The following LRRC4C variants were observed in gnomAD, a reference collection of about 807,000 sequenced individuals.
LRRC4C encodes the protein leucine rich repeat containing 4C, also known as leucine-rich repeat-containing protein 4C.
Under a neutral mutation model 33.6 loss-of-function variants are expected in LRRC4C, and 5 were observed. The observed-to-expected ratio is 0.15, with a 90% CI of 0.08 to 0.31. LRRC4C has a LOEUF of 0.31. LRRC4C is among the 10% of genes least tolerant of loss of function. The pLI, the probability that LRRC4C is intolerant of heterozygous loss-of-function variation, is 1.00. For synonymous variants in LRRC4C, 329 were observed against 302.0 expected (o/e 1.09, Z -0.93); for missense variants, 560 against 796.7 (o/e 0.70, Z 3.58).
In LRRC4C at chr11:40,265,064, G is replaced by C. The variant is rs138709134; in HGVS notation, c.-175-23466C>G. Among the ~76,000 whole-genome samples, 305 of 152,266 alleles carry C rather than the reference G, an allele frequency of 2.0e-3. 1 individual carries two copies. Among genetic ancestry groups the C allele is most frequent in the African/African-American group, 7.1e-3 (296 of 41,554 alleles). ...GTTGTTTTGAAGGCAACAGAGATTT[G>C]AATAAAGCCTTCCCTTCTCCTCACC... On this transcript the variant is annotated intron_variant, in intron 4 of 6. Transcript: ENST00000528697.
chr11:41,024,023 A>G (rs761075138), intron 1 of LRRC4C, among the ~76,000 whole-genome samples: 2 of 151,532 alleles, frequency 1.3e-5, no homozygotes, highest in Non-Finnish European at 3.0e-5. Flanking sequence ...TTTTTTTTCT[A>G]GTTGCGTTCA....
At chr11:41,227,119 C>T (rs1252272321) in intron 1 of LRRC4C, among the ~76,000 whole-genome samples, 1 of 151,968 alleles carries the variant, frequency 6.6e-6, no homozygotes, top group Non-Finnish European at 1.5e-5. Flanking sequence ...ACCTCCTTCC[C>T]CTTTTGAAAA....
chr11:40,612,040 A>C (rs755092920), intron 3 of LRRC4C, among the ~76,000 whole-genome samples: 1 of 151,834 alleles, frequency 6.6e-6, no homozygotes, highest in Admixed American at 6.6e-5. Context: ...ATTTCTGAGT[A>C]TTTCTAAAAA....
chr11:40,680,655 C>T (rs981487878), intron 2 of LRRC4C, among the ~76,000 whole-genome samples: 15 of 152,152 alleles, frequency 9.9e-5, no homozygotes, highest in African/African-American at 3.6e-4. Flanking sequence ...GTATGACTTG[C>T]TCCTCCTTGC....
chr11:40,114,822 T>G lies in LRRC4C; in HGVS notation c.1471A>C (p.Thr491Pro). 1 of 1,613,984 alleles carries G rather than the reference T, an allele frequency of 6.2e-7. No individual in the cohort carries two copies. The highest frequency in any genetic ancestry group is 8.5e-7 in the Non-Finnish European group (1 of 1,179,982). Reference sequence around the variant, plus strand: ...CTTGTGCTCTGTGGTGTGAGAGAGGTGGTCACATTGGTGGTCTCCCAGTCG... The same window carrying G: ...CTTGTGCTCTGTGGTGTGAGAGAGGGGGTCACATTGGTGGTCTCCCAGTCG... The part of the protein sequence containing the change: ...VVDWETTNVT[T>P]SLTPQSTRST... Residue 491 changes from threonine to proline, a missense_variant, in exon 7 of 7, where the codon ACC (threonine) becomes CCC (proline). Physicochemically the swap from Thr to Pro is conservative, Grantham distance 38. Around this residue, in one of 3 missense-constraint regions of LRRC4C, gnomAD observed 455 missense variants for 643.8 expected, o/e 0.71. Transcript: ENST00000528697.
chr11:40,916,794 G>T (rs1956981877), intron 2 of LRRC4C, among the ~76,000 whole-genome samples: 1 of 151,844 alleles, frequency 6.6e-6, no homozygotes, highest in Non-Finnish European at 1.5e-5. Flanking sequence ...CACTTAATTG[G>T]TCTTAGAGGG....
intron 3 of LRRC4C, among the ~76,000 whole-genome samples, chr11:40,472,148 C>A (rs926916513): frequency 6.6e-6 from 1 of 151,784 alleles, no homozygotes; most frequent in Non-Finnish European, 1.5e-5. Context: ...GTCGTGGTTG[C>A]GCATGCCTGT....
chr11:40,355,636 C>T (rs982037911), intron 3 of LRRC4C, among the ~76,000 whole-genome samples: 4 of 152,144 alleles, frequency 2.6e-5, no homozygotes, highest in Non-Finnish European at 4.4e-5. Context: ...ACACACAATG[C>T]ACTGTCCCTC....
At chr11:40,563,212 C>T (rs1422276160) in intron 3 of LRRC4C, among the ~76,000 whole-genome samples, 1 of 152,124 alleles carries the variant, frequency 6.6e-6, no homozygotes, top group Non-Finnish European at 1.5e-5. Context: ...AGGACATAGA[C>T]TGAGATGAGT....
chr11:40,436,541 G>A (rs10837409), intron 3 of LRRC4C, among the ~76,000 whole-genome samples: 57,048 of 151,976 alleles, frequency 0.38, 11,403 homozygotes, highest in East Asian at 0.53. Context: ...TGTCAAACCA[G>A]CCTCTCTCCT....
chr11:40,843,642 T>C (rs925773915), intron 2 of LRRC4C, among the ~76,000 whole-genome samples: 6 of 152,190 alleles, frequency 3.9e-5, no homozygotes, highest in Non-Finnish European at 5.9e-5. Context: ...TTGGTAAGGA[T>C]ACAAAGCAAC....
chr11:40,208,931 G>T (rs1376901809), intron 5 of LRRC4C, among the ~76,000 whole-genome samples: 1 of 143,518 alleles, frequency 7.0e-6, no homozygotes, highest in Non-Finnish European at 1.5e-5. Context: ...CTCCAAATCA[G>T]GGCTTTCTTT....
chr11:41,409,727 A>T (rs1954387917), intron 1 of LRRC4C, among the ~76,000 whole-genome samples: 1 of 152,196 alleles, frequency 6.6e-6, no homozygotes, highest in Admixed American at 6.5e-5. Flanking sequence ...GATAAAAAGC[A>T]ATTCAAGATT....
intron 1 of LRRC4C, among the ~76,000 whole-genome samples, chr11:41,218,326 T>G (rs1473556105): frequency 6.6e-6 from 1 of 152,238 alleles, no homozygotes; most frequent in African/African-American, 2.4e-5. Flanking sequence ...TATGGTTTAC[T>G]GGGGAAAACT....
At chr11:40,662,843 T>A (rs1050339697) in intron 2 of LRRC4C, among the ~76,000 whole-genome samples, 3 of 152,204 alleles carry the variant, frequency 2.0e-5, no homozygotes, top group African/African-American at 7.2e-5. Flanking sequence ...TGTGTGAAGA[T>A]TTAGTTGACA....
At chr11:40,572,908 C>T (rs2135575694) in intron 3 of LRRC4C, among the ~76,000 whole-genome samples, 1 of 152,268 alleles carries the variant, frequency 6.6e-6, no homozygotes, top group Middle Eastern at 3.4e-3. Context: ...AAATGCTTAT[C>T]ATTTTTTTCT....
intron 2 of LRRC4C, among the ~76,000 whole-genome samples, chr11:40,909,727 C>A (rs1474665608): frequency 6.6e-6 from 1 of 152,138 alleles, no homozygotes; most frequent in African/African-American, 2.4e-5. Context: ...TGTGAGTTCT[C>A]TTTTCAGTTC....
intron 3 of LRRC4C, among the ~76,000 whole-genome samples, chr11:40,645,671 A>C (rs1942406504): frequency 6.6e-6 from 1 of 152,202 alleles, no homozygotes; most frequent in Admixed American, 6.5e-5. Context: ...ATCCTCAGAA[A>C]TGTGATTCCA....
intron 1 of LRRC4C, among the ~76,000 whole-genome samples, chr11:40,949,218 TG>T (rs1435957867): frequency 6.6e-6 from 1 of 152,176 alleles, no homozygotes; most frequent in Non-Finnish European, 1.5e-5. Flanking sequence ...TGGGGTTGTT[TG>T]TTTTTTTCTT....
Sources: allele counts gnomAD v4.1 joint callset (sites outside exome capture counted in the v4.1 genomes callset), GRCh38; gene constraint gnomAD v4.1.1; regional missense constraint gnomAD v4.1.1; transcripts MANE v1.5; gene names NCBI Gene and HGNC (gene_info 2026-07-23, HGNC 2026-07-21).